Variants in DHX9 observed in about 807,000 individuals in gnomAD.
DHX9 encodes the protein ATP-dependent RNA helicase A.
Under a neutral mutation model 148.7 loss-of-function variants are expected in DHX9, and 27 were observed. That is an observed-to-expected ratio of 0.18 (90% confidence interval 0.13 to 0.25). The LOEUF (loss-of-function observed/expected upper bound fraction) is 0.25, where lower values mean the gene tolerates loss of function less well. DHX9 is among the 10% of genes least tolerant of loss of function. The pLI is 1.00. For missense variants in DHX9, 796 were observed against 1,559.6 expected, an observed-to-expected ratio of 0.51 and a Z score of 8.25; for synonymous variants, 529 against 516.6, an observed-to-expected ratio of 1.02 and a Z score of -0.33.
chr1:182,868,401 CTG>C (rs1648394746), intron 14 of DHX9, among the ~76,000 whole-genome samples: 1 of 151,722 alleles, frequency 6.6e-6, no homozygotes, highest in African/African-American at 2.4e-5. Context: ...AAAAATTTAA[CTG>C]TTATGCTTGA....
intron 8 of DHX9, 68 bp from the exon 9 acceptor site, chr1:182,858,483 C>A: frequency 7.5e-7 from 1 of 1,340,028 alleles, no homozygotes; most frequent in Non-Finnish European, 1.0e-6. Flanking sequence ...CTAGTGTTGA[C>A]TGTATAGTCT....
intron 6 of DHX9, among the ~76,000 whole-genome samples, chr1:182,854,465 A>G (rs770608621): frequency 2.0e-5 from 3 of 152,186 alleles, no homozygotes; most frequent in Non-Finnish European, 4.4e-5. Flanking sequence ...CATGACCACA[A>G]TTGCTGGTTT....
rs749622246 is a variant in DHX9, at chr1:182,876,838, G to A, written c.2133G>A (p.Leu711=). Residue 711 remains leucine, a synonymous_variant, in exon 19 of 28, where the codon TTG becomes TTA. Transcript: ENST00000367549. ...PVPVGVTKVI[L]STNIAETSIT... is the part of the protein sequence containing the mutation. Reference sequence around the variant, plus strand: ...TTTTTCTTTCTTCACAGGTTATTTTGTCCACAAATATTGCTGAAACAAGCA... The same window carrying A: ...TTTTTCTTTCTTCACAGGTTATTTTATCCACAAATATTGCTGAAACAAGCA... 4.3e-6 allele frequency: 7 copies of A among 1,610,030 alleles called. No individual in the cohort carries two copies. In the East Asian group the frequency reaches 8.9e-5, roughly 21 times the overall value.
chr1:182,886,019 G>A (rs1488609056), intron 27 of DHX9, among the ~76,000 whole-genome samples: 3 of 152,182 alleles, frequency 2.0e-5, no homozygotes, highest in Non-Finnish European at 4.4e-5. Context: ...GTATGAATAT[G>A]TGGTGGCTTA....
intron 12 of DHX9, among the ~76,000 whole-genome samples, chr1:182,861,247 C>A (rs1000973277): frequency 4.0e-5 from 6 of 151,814 alleles, no homozygotes; most frequent in Admixed American, 3.9e-4. Context: ...CTGATGATAC[C>A]TTAGGCTTGA....
intron 12 of DHX9, among the ~76,000 whole-genome samples, chr1:182,860,784 A>G (rs1320849146): frequency 1.3e-5 from 2 of 152,210 alleles, no homozygotes; most frequent in African/African-American, 4.8e-5. Context: ...CTTACCAGCA[A>G]TGAGCAGCGC....
chr1:182,847,606 G>A (rs961876878), intron 3 of DHX9, among the ~76,000 whole-genome samples: 1 of 152,096 alleles, frequency 6.6e-6, no homozygotes, highest in African/African-American at 2.4e-5. Context: ...CCTCCTCTCT[G>A]GCTGTTTCCT....
At chr1:182,845,266 TTA>T (rs1668007673) in intron 3 of DHX9, among the ~76,000 whole-genome samples, 1 of 152,186 alleles carries the variant, frequency 6.6e-6, no homozygotes, top group African/African-American at 2.4e-5. Flanking sequence ...CCTCTATTCT[TTA>T]TCTTTTAGGC....
intron 3 of DHX9, among the ~76,000 whole-genome samples, chr1:182,851,752 G>A (rs892467222): frequency 2.6e-5 from 4 of 152,118 alleles, no homozygotes; most frequent in African/African-American, 4.8e-5. Flanking sequence ...TTCTTAATAC[G>A]TAGTACTAAT....
At chr1:182,882,511 TTG>T (rs1325999184) in intron 24 of DHX9, among the ~76,000 whole-genome samples, 1 of 152,142 alleles carries the variant, frequency 6.6e-6, no homozygotes, top group Non-Finnish European at 1.5e-5. Context: ...GATAAATACT[TTG>T]TGGTCCTATC....
At chr1:182,856,453 G>GA (rs1464313123) in intron 6 of DHX9, 79 bp from the exon 7 acceptor site, 1 of 1,263,272 alleles carries the variant, frequency 7.9e-7, no homozygotes, top group Non-Finnish European at 1.1e-6. Context: ...CAGTTGGAAA[G>GA]CCTGCCTGAC....
chr1:182,844,536 T>TTTTG (rs774560579), intron 3 of DHX9, among the ~76,000 whole-genome samples: 11 of 152,238 alleles, frequency 7.2e-5, no homozygotes, highest in Admixed American at 2.6e-4. Context: ...ATAAGGTTTT[T>TTTTG]TTTGTTTGTT....
At chr1:182,882,501 G>A (rs917469463) in intron 24 of DHX9, among the ~76,000 whole-genome samples, 4 of 152,166 alleles carry the variant, frequency 2.6e-5, no homozygotes, top group African/African-American at 9.7e-5. Context: ...AAGAGTAGCA[G>A]ATAAATACTT....
chr1:182,839,830 C>T (rs1288641594), intron 1 of DHX9: 1 of 152,354 alleles, frequency 6.6e-6, no homozygotes, highest in Non-Finnish European at 1.5e-5. Flanking sequence ...TAGGGCTCTT[C>T]ATTCATTCAA....
At chr1:182,847,873 AT>A (rs1357455232) in intron 3 of DHX9, among the ~76,000 whole-genome samples, 1 of 151,652 alleles carries the variant, frequency 6.6e-6, no homozygotes, top group Non-Finnish European at 1.5e-5. Context: ...GTGTGTTTGT[AT>A]TTTTTCCCCC....
At chr1:182,841,869 A>G (rs911190918) in intron 1 of DHX9, among the ~76,000 whole-genome samples, 15 of 152,202 alleles carry the variant, frequency 9.9e-5, no homozygotes, top group African/African-American at 4.8e-5. Flanking sequence ...AAAAAGGCCT[A>G]AAGGAGAGAT....
Position 182,853,365 on chromosome 1 carries a change from G to C in DHX9, c.424G>C (p.Gly142Arg), listed in dbSNP as rs1375227576. ...TGTTCCTGGGCCCACCTGGGACCGA[G>C]GAGCCAACTTGAAGGATTACTACTC... ...YGVPGPTWDR[G>R]ANLKDYYSRK... The change falls in exon 5 of 28, where the codon GGA becomes CGA. Residue 142 changes from glycine (G) to arginine (R), a missense_variant. Coordinates refer to ENST00000367549, the MANE Select transcript of DHX9 (RefSeq NM_001357.5). The C allele has an allele frequency of 2.5e-6, 4 of 1,614,046 alleles. No individual in the cohort carries two copies. The highest frequency in any genetic ancestry group is 3.4e-6 in the Non-Finnish European group (4 of 1,179,974).
At chr1:182,855,218 CT>C (rs1191964399) in intron 6 of DHX9, among the ~76,000 whole-genome samples, 4 of 152,102 alleles carry the variant, frequency 2.6e-5, no homozygotes, top group Non-Finnish European at 5.9e-5. Context: ...GATTTGTTTT[CT>C]TTCATATTTT....
chr1:182,864,146 C>T (rs1325847249), intron 12 of DHX9, among the ~76,000 whole-genome samples: 1 of 152,178 alleles, frequency 6.6e-6, no homozygotes, highest in Non-Finnish European at 1.5e-5. Flanking sequence ...ATTACAGGGA[C>T]ACACCATCAT....
Sources: allele counts gnomAD v4.1 joint callset (sites outside exome capture counted in the v4.1 genomes callset), GRCh38; gene constraint gnomAD v4.1.1; transcripts MANE v1.5; gene names NCBI Gene and HGNC (gene_info 2026-07-23, HGNC 2026-07-21).